Variants in ARAP2 observed in about 807,000 individuals in gnomAD.
ARAP2 encodes ArfGAP with RhoGAP domain, ankyrin repeat and PH domain 2.
ARAP2 carries 148 observed loss-of-function variants against 194.5 expected under a neutral mutation model. That is an observed-to-expected ratio of 0.76 (90% confidence interval 0.67 to 0.87). The LOEUF (loss-of-function observed/expected upper bound fraction) is 0.87. Among genes scored for constraint, ARAP2 ranks in the 40% least tolerant of loss-of-function variants. The pLI, the probability that ARAP2 is intolerant of heterozygous loss-of-function variation, is 0.00. For missense variants in ARAP2, 2,128 were observed against 1,989.7 expected (o/e 1.07, Z -1.32); for synonymous variants, 695 against 683.5 (o/e 1.02, Z -0.26).
chr4:36,075,033 A>C (rs772363330), intron 31 of ARAP2, among the ~76,000 whole-genome samples: 10 of 152,124 alleles, frequency 6.6e-5, no homozygotes, highest in Non-Finnish European at 1.5e-4. Flanking sequence ...ACAGTATTTC[A>C]ATTGGAAAGT....
chr4:36,043,783 AAGAAGAGAAG>A (rs1356569644), intron 5 of ARAP2, among the ~76,000 whole-genome samples: 1 of 53,746 alleles, frequency 1.9e-5, no homozygotes, highest in Non-Finnish European at 3.9e-5. Flanking sequence ...AAAGAAAAGA[AAGAAGAGAAG>A]AGAAGGGAAG....
chr4:36,051,702 A>C (rs576120506), intron 3 of ARAP2, among the ~76,000 whole-genome samples: 5 of 152,260 alleles, frequency 3.3e-5, no homozygotes, highest in African/African-American at 1.2e-4. Flanking sequence ...AAGTGTTTTA[A>C]ACCAATTATC....
chr4:36,083,416 G>A lies in ARAP2; in HGVS notation c.4460C>T (p.Ser1487Phe). ...TTTCACTCCACGATAAAACTTCATGGAACTGAGAGAAAACATCTTGTCATG... is the reference window on the plus strand; with the variant it reads ...TTTCACTCCACGATAAAACTTCATGAAACTGAGAGAAAACATCTTGTCATG... Reference protein sequence around the residue: ...SKHDKMFSLSSMKFYRGVKKK... With the variant: ...SKHDKMFSLSFMKFYRGVKKK... The change falls in exon 29 of 33, where the codon TCC (serine) becomes TTC (phenylalanine). Residue 1487 changes from serine (S) to phenylalanine (F), a missense_variant. By Grantham distance (155) the Ser-to-Phe change is radical (BLOSUM62 -2). Transcript: ENST00000303965. 6.2e-7 allele frequency: 1 copy of A among 1,606,906 alleles called. No individual in the cohort carries two copies. Among genetic ancestry groups the A allele is most frequent in the Non-Finnish European group, 8.5e-7 (1 of 1,177,354 alleles).
chr4:36,213,220 C>T, intron 4 of ARAP2, 23 bp downstream of exon 4: 1 of 1,498,750 alleles, frequency 6.7e-7, no homozygotes, highest in South Asian at 1.2e-5. Context: ...TTATGGAAAA[C>T]AATTAAAATG....
intron 1 of ARAP2, among the ~76,000 whole-genome samples, chr4:36,059,940 G>T (rs1244889381): frequency 1.3e-5 from 2 of 152,118 alleles, no homozygotes; most frequent in African/African-American, 2.4e-5. Context: ...AAGAAAGAAT[G>T]AGAGGTTAAA....
At chr4:36,073,469 G>A (rs190599010) in intron 32 of ARAP2, among the ~76,000 whole-genome samples, 46 of 152,216 alleles carry the variant, frequency 3.0e-4, no homozygotes, top group Non-Finnish European at 4.7e-4. Context: ...AAGAAAATAA[G>A]TAGTATTGTG....
chr4:36,035,203 A>G (rs1719709413), intron 5 of ARAP2, among the ~76,000 whole-genome samples: 1 of 151,944 alleles, frequency 6.6e-6, no homozygotes, highest in Non-Finnish European at 1.5e-5. Context: ...CTGTGAATCT[A>G]TCAGTCCTGG....
In ARAP2 at chr4:36,147,388, AT is replaced by A. The variant is rs1295887156; in HGVS notation, c.3200-30del. ...AAGGGAGAATGAAAAGCAAAAATTT[AT>A]TTTTTAAAACACTGTAATAAACACC... is the stretch of plus-strand genomic sequence containing the variant. On this transcript the variant is annotated intron_variant, in intron 18 of 32. Coordinates refer to ENST00000303965, the MANE Select transcript of ARAP2 (RefSeq NM_015230.4). 10 of 1,610,098 alleles carry A rather than the reference AT, an allele frequency of 6.2e-6. No homozygotes were observed. In the East Asian group the frequency reaches 8.9e-5, roughly 14 times the overall value.
intron 5 of ARAP2, among the ~76,000 whole-genome samples, chr4:36,043,571 T>C (rs1360226096): frequency 6.6e-6 from 1 of 151,900 alleles, no homozygotes; most frequent in Non-Finnish European, 1.5e-5. Context: ...GGCATACAGT[T>C]TGAAGATGAA....
In ARAP2 at chr4:36,229,562, T is replaced by A; in HGVS notation, c.-76A>T. 8.5e-7 allele frequency: 1 copy of A among 1,174,230 alleles called. No individual in the cohort carries two copies. The allele number at this position is 1,174,230 out of a possible 1,614,324, so 72.7% of individuals were successfully genotyped here. On this transcript the variant is annotated 5_prime_UTR_variant, in exon 2 of 33. Coordinates refer to ENST00000303965, the MANE Select transcript of ARAP2 (RefSeq NM_015230.4). ...ACACACACAAGAAGATGTACTTCTC[T>A]ACTGGCTTTTCCTCTATCAATTGTG... is the stretch of plus-strand genomic sequence containing the variant.
chr4:36,128,367 T>G (rs1222277569), intron 21 of ARAP2, among the ~76,000 whole-genome samples, 166 bp downstream of exon 21: 5 of 151,888 alleles, frequency 3.3e-5, no homozygotes, highest in Admixed American at 1.3e-4. Context: ...TTTATATAAT[T>G]TCTGTTATCA....
intron 6 of ARAP2, among the ~76,000 whole-genome samples, chr4:36,203,930 A>G (rs145041623): frequency 1.7e-3 from 257 of 152,324 alleles, no homozygotes; most frequent in African/African-American, 5.8e-3. Flanking sequence ...AAGTATTAGT[A>G]TCTTCAGAGA....
At chr4:36,226,477 T>C (rs1452159245) in intron 2 of ARAP2, among the ~76,000 whole-genome samples, 2 of 152,170 alleles carry the variant, frequency 1.3e-5, no homozygotes, top group Non-Finnish European at 2.9e-5. Context: ...AAGAATTCTG[T>C]ACAGACCTTG....
At chr4:36,055,869 C>T (rs1723423042) in intron 2 of ARAP2, among the ~76,000 whole-genome samples, 1 of 152,104 alleles carries the variant, frequency 6.6e-6, no homozygotes, top group South Asian at 2.1e-4. Context: ...CAGCCAGTTT[C>T]AGGTACGTTT....
Position 36,158,776 on chromosome 4 carries a change from A to G in ARAP2, c.2706T>C (p.Ala902=), listed in dbSNP as rs771336229. The part of the protein sequence containing the change: ...STFLCDFLYQ[A]PSAASKLSSE... ...AAGAGAGTTTAGAAGCAGCAGAAGG[A>G]GCTTGATATAAAAAGTCACAGAGGA... The change falls in exon 15 of 33, where the codon GCT becomes GCC. Residue 902 remains alanine (A), a synonymous_variant. Coordinates refer to ENST00000303965, the MANE Select transcript of ARAP2 (RefSeq NM_015230.4). The G allele has an allele frequency of 2.5e-6, 4 of 1,612,090 alleles. No homozygotes were observed. Among genetic ancestry groups the G allele is most frequent in the African/African-American group, 1.3e-5 (1 of 74,974 alleles).
At position 36,228,581 on chromosome 4, in the gene ARAP2, C is replaced by A; in HGVS notation, c.905+1G>T. The A allele has an allele frequency of 1.3e-6, 2 of 1,572,598 alleles. No individual in the cohort carries two copies. The highest frequency in any genetic ancestry group is 1.7e-6 in the Non-Finnish European group (2 of 1,161,100). On this transcript the variant is annotated splice_donor_variant, in intron 2 of 32. Coordinates refer to ENST00000303965, the MANE Select transcript of ARAP2 (RefSeq NM_015230.4). LOFTEE classifies it high-confidence loss of function. ...TTACAGCTTATTGTAAAGATTCTTA[C>A]CTCCCAGAAACTCCTTTTGTTGACC...
At chr4:36,110,866 T>C (rs1052618663) in intron 26 of ARAP2, among the ~76,000 whole-genome samples, 3 of 151,950 alleles carry the variant, frequency 2.0e-5, no homozygotes, top group Non-Finnish European at 2.9e-5. Context: ...GCCACATCCA[T>C]GGTGATTCCA....
chr4:36,123,990 A>T (rs1723288503), intron 22 of ARAP2, among the ~76,000 whole-genome samples: 2 of 151,788 alleles, frequency 1.3e-5, no homozygotes, highest in Admixed American at 6.6e-5. Flanking sequence ...CTCTATATTA[A>T]AGTTTGTCTC....
rs567875018 is a variant in ARAP2 at position 36,218,483 on chromosome 4, C to G, written c.906-4003G>C. Among the ~76,000 whole-genome samples the G allele has an allele frequency of 2.6e-5, 4 of 151,848 alleles. No individual in the cohort carries two copies. In the South Asian group the frequency reaches 8.3e-4, roughly 32 times the overall value. ...CCAATTGCATTTAAGCCAAAGACAT[C>G]AACCTATAGCAATGAGGAAAGTATG... On this transcript the variant is annotated intron_variant, in intron 2 of 32. Transcript: ENST00000303965.
Sources: gnomAD v4.1 joint callset for allele counts (sites outside exome capture counted in the v4.1 genomes callset) on GRCh38, gnomAD v4.1.1 for gene constraint, MANE v1.5 for transcripts, NCBI Gene and HGNC (gene_info 2026-07-23, HGNC 2026-07-21) for gene names.